The following ATP8A2 variants were observed in gnomAD, a reference collection of about 807,000 sequenced individuals.
The protein encoded by ATP8A2 is phospholipid-transporting ATPase IB.
Under a neutral mutation model 165.6 loss-of-function variants are expected in ATP8A2, and 100 were observed. The observed-to-expected ratio is 0.60, with a 90% CI of 0.51 to 0.71. ATP8A2 has a LOEUF of 0.71. Ranked by LOEUF, ATP8A2 falls within the 30% of genes least tolerant of loss-of-function variation. The probability of loss-of-function intolerance (pLI) is 0.00; values close to 1 mark genes in which losing one functional copy is unlikely to be tolerated. For synonymous variants in ATP8A2, 543 were observed against 548.8 expected (o/e 0.99, Z 0.15); for missense variants, 1,227 against 1,479.5 (o/e 0.83, Z 2.80).
At chr13:25,880,961 C>T (rs1393864214) in intron 33 of ATP8A2, 1 of 456,560 alleles carries the variant, frequency 2.2e-6, no homozygotes, top group African/African-American at 2.0e-5. Context: ...AAGCCTTTCT[C>T]TGTTGAAGCA....
chr13:25,704,337 C>CTTTTTTTTTTT (rs67458818), intron 25 of ATP8A2, among the ~76,000 whole-genome samples: 8 of 137,680 alleles, frequency 5.8e-5, no homozygotes, highest in African/African-American at 1.3e-4. Flanking sequence ...ACATCTAGGA[C>CTTTTTTTTTTT]TTTTTTTTTT....
intron 10 of ATP8A2, among the ~76,000 whole-genome samples, chr13:25,544,622 G>A (rs1443090776): frequency 6.6e-6 from 1 of 152,120 alleles, no homozygotes; most frequent in African/African-American, 2.4e-5. Flanking sequence ...GGGGTAGAGA[G>A]TTTCTAGCAT....
intron 33 of ATP8A2, among the ~76,000 whole-genome samples, chr13:25,911,690 G>A (rs898690510): frequency 1.3e-5 from 2 of 152,140 alleles, no homozygotes; most frequent in African/African-American, 4.8e-5. Flanking sequence ...TTCCACACAG[G>A]AAAACACAAG....
At chr13:25,745,124 G>T (rs193207756) in intron 25 of ATP8A2, among the ~76,000 whole-genome samples, 1 of 152,066 alleles carries the variant, frequency 6.6e-6, no homozygotes, top group Admixed American at 6.5e-5. Context: ...TGTATTTTTA[G>T]TAGAGACGGG....
chr13:25,442,868 C>T (rs76708866), intron 1 of ATP8A2, among the ~76,000 whole-genome samples: 3,722 of 152,252 alleles, frequency 0.024, 142 homozygotes, highest in African/African-American at 0.084. Flanking sequence ...CATTCAAGTA[C>T]TGTGACAGAG....
chr13:25,999,867 T>C (rs1785541671), intron 35 of ATP8A2, among the ~76,000 whole-genome samples: 1 of 152,192 alleles, frequency 6.6e-6, no homozygotes, highest in South Asian at 2.1e-4. Flanking sequence ...AGTTCCGTGG[T>C]ATATAAAATA....
intron 28 of ATP8A2, among the ~76,000 whole-genome samples, chr13:25,833,674 A>G (rs1253471690): frequency 1.3e-5 from 2 of 152,186 alleles, no homozygotes; most frequent in Non-Finnish European, 2.9e-5. Context: ...TCCTATATAG[A>G]AAAATTAATT....
At chr13:25,493,531 T>A (rs1264923758) in intron 2 of ATP8A2, among the ~76,000 whole-genome samples, 1 of 152,222 alleles carries the variant, frequency 6.6e-6, no homozygotes, top group Admixed American at 6.5e-5. Context: ...ACTGTGGGAT[T>A]ACTAAACATA....
intron 33 of ATP8A2, among the ~76,000 whole-genome samples, chr13:25,916,820 G>A (rs1954281822): frequency 6.6e-6 from 1 of 151,332 alleles, no homozygotes. Flanking sequence ...GGTTGTATTT[G>A]TAAATTAGTT....
intron 33 of ATP8A2, among the ~76,000 whole-genome samples, chr13:25,911,260 ATTCACATAAGTACCTCT>A (rs1954097284): frequency 6.6e-6 from 1 of 152,316 alleles, no homozygotes; most frequent in Admixed American, 6.5e-5. Context: ...ATGCATCCAG[ATTCACATAAGTACCTCT>A]TTTAATTCCT....
Position 25,570,861 on chromosome 13 carries a change from C to T in ATP8A2, c.1568C>T (p.Ala523Val). 3 of 1,612,510 alleles carry T rather than the reference C, an allele frequency of 1.9e-6. No homozygotes were observed. Among genetic ancestry groups the T allele is most frequent in the Non-Finnish European group, 1.7e-6 (2 of 1,178,828 alleles). The change falls in exon 17 of 37, where the codon GCC becomes GTC. Residue 523 changes from alanine (A) to valine (V), a missense_variant. Transcript: ENST00000381655. ...EKDGDNIIYQ[A>V]SSPDEAALVK... The stretch of plus-strand genomic sequence containing the variant: ...GATGGAGATAACATCATCTACCAGG[C>T]CTCTTCCCCAGGTGAGGGCTCTGGC...
chr13:25,817,333 G>A (rs960747582), intron 27 of ATP8A2, among the ~76,000 whole-genome samples: 27 of 131,782 alleles, frequency 2.0e-4, no homozygotes, highest in African/African-American at 6.4e-4. Context: ...CCATCTGGTC[G>A]GTATTATGGT....
intron 1 of ATP8A2, among the ~76,000 whole-genome samples, chr13:25,446,097 C>T (rs2035061053): frequency 1.3e-5 from 2 of 152,154 alleles, no homozygotes; most frequent in African/African-American, 4.8e-5. Context: ...GCTGTAAGTG[C>T]TCTGAATGTC....
chr13:25,813,301 GT>G (rs1273275936), intron 27 of ATP8A2, among the ~76,000 whole-genome samples: 2 of 149,518 alleles, frequency 1.3e-5, no homozygotes, highest in South Asian at 4.2e-4. Flanking sequence ...TGACTCCAGA[GT>G]AAGGTCTTCA....
At chr13:25,803,583 C>A (rs540214691) in intron 27 of ATP8A2, among the ~76,000 whole-genome samples, 12 of 152,216 alleles carry the variant, frequency 7.9e-5, no homozygotes, top group Non-Finnish European at 1.2e-4. Context: ...TGCAGTCCAA[C>A]TCTCGTGCGT....
intron 33 of ATP8A2, among the ~76,000 whole-genome samples, chr13:25,951,928 A>ATACTCAACCGC (rs1318022519): frequency 1.3e-5 from 2 of 152,172 alleles, no homozygotes; most frequent in Non-Finnish European, 2.9e-5. Context: ...GTTGCAGGTG[A>ATACTCAACCGC]CAGGGATGTT....
At chr13:25,386,906 A>G (rs1436365098) in intron 1 of ATP8A2, among the ~76,000 whole-genome samples, 1 of 149,280 alleles carries the variant, frequency 6.7e-6, no homozygotes, top group Non-Finnish European at 1.5e-5. Flanking sequence ...CTGAAGCAGG[A>G]GAATGGCGGG....
intron 24 of ATP8A2, among the ~76,000 whole-genome samples, chr13:25,669,156 TATCCCTGGAA>T (rs1361836400): frequency 2.6e-4 from 39 of 152,312 alleles, no homozygotes; most frequent in African/African-American, 8.7e-4. Context: ...TGTTATATGG[TATCCCTGGAA>T]ATCAGATTCT....
At chr13:25,519,465 G>A (rs1227391832) in intron 2 of ATP8A2, among the ~76,000 whole-genome samples, 1 of 151,912 alleles carries the variant, frequency 6.6e-6, no homozygotes, top group African/African-American at 2.4e-5. Context: ...ATCTCCGGGG[G>A]CTGGCACACT....
Sources: allele counts gnomAD v4.1 joint callset (sites outside exome capture counted in the v4.1 genomes callset), GRCh38; gene constraint gnomAD v4.1.1; transcripts MANE v1.5; gene names NCBI Gene and HGNC (gene_info 2026-07-23, HGNC 2026-07-21).